The following PPIP5K1 variants were observed in gnomAD, a reference collection of about 807,000 sequenced individuals.
PPIP5K1 encodes diphosphoinositol pentakisphosphate kinase 1.
PPIP5K1 carries 6 observed loss-of-function variants against 27.7 expected under a neutral mutation model. That is an observed-to-expected ratio of 0.22 (90% CI 0.12 to 0.43). PPIP5K1 has a LOEUF of 0.43. Among genes scored for constraint, PPIP5K1 ranks in the 20% least tolerant of loss-of-function variants. The probability of loss-of-function intolerance (pLI) is 1.00; values close to 1 mark genes in which losing one functional copy is unlikely to be tolerated. For synonymous variants in PPIP5K1, 145 were observed against 242.6 expected, an observed-to-expected ratio of 0.60 and a Z score of 3.74; for missense variants, 394 against 635.4, an observed-to-expected ratio of 0.62 and a Z score of 4.08.
intron 26 of PPIP5K1, among the ~76,000 whole-genome samples, chr15:43,565,501 C>T (rs1271018901): frequency 2.9e-5 from 4 of 139,042 alleles, no homozygotes; most frequent in Non-Finnish European, 4.6e-5. Context: ...CCAACATCCC[C>T]TCCCTTCAGG....
At chr15:43,579,383 T>TATAC (rs1555440993) in intron 10 of PPIP5K1, among the ~76,000 whole-genome samples, 8 of 84,318 alleles carry the variant, frequency 9.5e-5, no homozygotes, top group Admixed American at 1.0e-4. Flanking sequence ...TTCGATTATA[T>TATAC]ACACACACAC....
rs950812945 is a variant in PPIP5K1, at chr15:43,544,849, T to C, written c.3557-5266A>G. Among the ~76,000 whole-genome samples, 8 of 152,188 alleles carry C rather than the reference T, an allele frequency of 5.3e-5. No homozygotes were observed. In the South Asian group the frequency reaches 1.7e-3, roughly 32 times the overall value. On this transcript the variant is annotated intron_variant, in intron 30 of 31. Transcript: ENST00000420765. ...ATAAATAAGCAAATGTTATTTCAAC[T>C]TTGCATAGAAATGGCTTCAGAATAG...
intron 30 of PPIP5K1, among the ~76,000 whole-genome samples, chr15:43,553,647 T>TGTG (rs71111822): frequency 2.9e-4 from 37 of 127,140 alleles, no homozygotes; most frequent in Non-Finnish European, 5.0e-4. Context: ...TTTCTGTGTG[T>TGTG]TTTTTTTTTT....
chr15:43,547,793 T>C (rs1422605527), intron 30 of PPIP5K1, among the ~76,000 whole-genome samples: 1 of 152,142 alleles, frequency 6.6e-6, no homozygotes, highest in Non-Finnish European at 1.5e-5. Flanking sequence ...AGTCCTCCAG[T>C]TTTGTTTTGC....
chr15:43,557,848 T>C (rs1027901532), intron 30 of PPIP5K1, among the ~76,000 whole-genome samples: 23 of 148,586 alleles, frequency 1.5e-4, no homozygotes, highest in Non-Finnish European at 3.3e-4. Flanking sequence ...TTTTTTTTTT[T>C]CTGGAGAGAT....
intron 30 of PPIP5K1, among the ~76,000 whole-genome samples, chr15:43,553,337 CTTCT>C (rs1281231552): frequency 6.6e-6 from 1 of 150,846 alleles, no homozygotes; most frequent in Non-Finnish European, 1.5e-5. Flanking sequence ...TAATTTTCTT[CTTCT>C]TTTTTTTTTT....
chr15:43,559,948 T>C (rs902630852), intron 29 of PPIP5K1, among the ~76,000 whole-genome samples: 23 of 151,940 alleles, frequency 1.5e-4, no homozygotes, highest in Admixed American at 1.3e-4. Flanking sequence ...AAAAGGATTA[T>C]AGCCTGACCA....
intron 29 of PPIP5K1, among the ~76,000 whole-genome samples, chr15:43,559,817 T>C (rs1368695822): frequency 2.0e-5 from 3 of 148,710 alleles, no homozygotes; most frequent in Non-Finnish European, 3.0e-5. Flanking sequence ...CAAACCACTA[T>C]CTCAGTCCCC....
chr15:43,552,528 T>TAAAAAAA (rs535937209), intron 30 of PPIP5K1, among the ~76,000 whole-genome samples: 1 of 69,430 alleles, frequency 1.4e-5, no homozygotes. Context: ...TCTGTCTCTA[T>TAAAAAAA]AAAAAAAAAA....
intron 31 of PPIP5K1, among the ~76,000 whole-genome samples, chr15:43,537,914 A>C (rs1432096379): frequency 6.6e-6 from 1 of 151,738 alleles, no homozygotes; most frequent in Non-Finnish European, 1.5e-5. Context: ...CCAAGTAAAG[A>C]AGTAGCCTTA....
In PPIP5K1 at chr15:43,539,470, A is replaced by T. The variant is rs759922255; in HGVS notation, c.3670T>A (p.Tyr1224Asn). 2 of 1,569,398 alleles carry T rather than the reference A, an allele frequency of 1.3e-6. No homozygotes were observed. Among genetic ancestry groups the T allele is most frequent in the East Asian group, 2.2e-5 (1 of 44,602 alleles). The change falls in exon 31 of 32, where the codon TAC becomes AAC. Residue 1224 changes from tyrosine to asparagine, a missense_variant and splice_region_variant. Around this residue, in one of 4 missense-constraint regions of PPIP5K1, gnomAD observed 379 missense variants for 423.9 expected, o/e 0.89. Transcript: ENST00000420765. ...LQQRSEKPPW[Y>N]SSGPSSTVSS... ...AGGCAGTTCCAAAAGGATTACTTAC[A>T]CCAAGGGGGCTTCTCAGAGCGCTGC...
chr15:43,543,051 T>C (rs1440029391), intron 30 of PPIP5K1, among the ~76,000 whole-genome samples: 3 of 151,950 alleles, frequency 2.0e-5, no homozygotes, highest in African/African-American at 7.3e-5. Flanking sequence ...GTTTCCTTGC[T>C]TTCCTTTACA....
intron 30 of PPIP5K1, among the ~76,000 whole-genome samples, chr15:43,546,134 C>A (rs2081341614): frequency 6.6e-6 from 1 of 152,034 alleles, no homozygotes. Context: ...TAAAATCATA[C>A]AATATGTGAC....
chr15:43,535,561 T>C, intron 31 of PPIP5K1, 85 bp from the exon 32 acceptor site: 8 of 1,134,598 alleles, frequency 7.1e-6, no homozygotes, highest in Non-Finnish European at 7.5e-6. Flanking sequence ...GCTAGAATTG[T>C]TGGCCTATGC....
chr15:43,549,078 T>TATATAC (rs1471577993), intron 30 of PPIP5K1, among the ~76,000 whole-genome samples: 5 of 117,610 alleles, frequency 4.3e-5, no homozygotes, highest in African/African-American at 1.6e-4. Context: ...TATATATATA[T>TATATAC]ATACATATAT....
chr15:43,541,486 G>A (rs1157635270), intron 30 of PPIP5K1, among the ~76,000 whole-genome samples: 1 of 152,086 alleles, frequency 6.6e-6, no homozygotes, highest in Non-Finnish European at 1.5e-5. Flanking sequence ...GGAGGCCGAG[G>A]CGGGTAGATC....
intron 31 of PPIP5K1, 146 bp from the exon 32 acceptor site, chr15:43,535,622 G>A (rs2079738938): frequency 4.4e-6 from 3 of 680,210 alleles, no homozygotes; most frequent in Non-Finnish European, 7.2e-6. Flanking sequence ...GTTAAGCAGA[G>A]ACTCCTAAGT....
At chr15:43,541,649 G>A (rs543029923) in intron 30 of PPIP5K1, among the ~76,000 whole-genome samples, 7 of 151,758 alleles carry the variant, frequency 4.6e-5, no homozygotes, top group South Asian at 2.1e-4. Context: ...CCTTGAACCC[G>A]GGAGGCAGAG....
intron 31 of PPIP5K1, chr15:43,537,345 A>T (rs1292368440): frequency 5.0e-5 from 1 of 20,150 alleles, no homozygotes; most frequent in African/African-American, 8.8e-5. Flanking sequence ...ACTCCACCTC[A>T]AAAAAAAAAA....
Sources: gnomAD v4.1 joint callset for allele counts (sites outside exome capture counted in the v4.1 genomes callset) on GRCh38, gnomAD v4.1.1 for gene constraint, gnomAD v4.1.1 regional missense constraint, MANE v1.5 for transcripts, NCBI Gene and HGNC (gene_info 2026-07-23, HGNC 2026-07-21) for gene names.